KRTAP26-1: variants seen among roughly 807,000 people sequenced by gnomAD.
The protein encoded by KRTAP26-1 is keratin-associated protein 26-1.
For missense variants in KRTAP26-1, 273 were observed against 260.9 expected (o/e 1.05, Z -0.32); for synonymous variants, 111 against 103.3 (o/e 1.07, Z -0.45).
Position 30,320,197 on chromosome 21 carries a change from A to G in KRTAP26-1, c.-162T>C. The G allele has an allele frequency of 1.8e-6, 1 of 570,036 alleles. No homozygotes were observed. Among genetic ancestry groups the G allele is most frequent in the Non-Finnish European group, 3.1e-6 (1 of 324,192 alleles). 35.3% of individuals were successfully genotyped at this position (570,036 alleles called of 1,614,324 possible). ...TGAAGATGCATCAGAACTCTTTATTATAGCCAAGGAAGTGAGGCTTCCACC... is the reference window on the plus strand; with the variant it reads ...TGAAGATGCATCAGAACTCTTTATTGTAGCCAAGGAAGTGAGGCTTCCACC... On this transcript the variant is annotated 5_prime_UTR_variant, in exon 1 of 1. Coordinates refer to ENST00000360542, the MANE Select transcript of KRTAP26-1 (RefSeq NM_203405.2).
At position 30,319,920 on chromosome 21, in the gene KRTAP26-1, A is replaced by G. The variant is rs1438640052; in HGVS notation, c.116T>C (p.Val39Ala). The change falls in exon 1 of 1, where the codon GTC becomes GCC. Residue 39 changes from valine (V) to alanine (A), a missense_variant. Transcript: ENST00000360542. ...TTGAGAGCTAGTGGGTAAGTAGAGGACATCTCCACAGCTCACGCTGGTAGG... is the reference window on the plus strand; with the variant it reads ...TTGAGAGCTAGTGGGTAAGTAGAGGGCATCTCCACAGCTCACGCTGGTAGG... ...LCPTSVSCGD[V>A]LYLPTSSQDH... is the part of the protein sequence containing the mutation. 2 of 1,614,122 alleles carry G rather than the reference A, an allele frequency of 1.2e-6. No homozygotes were observed. The highest frequency in any genetic ancestry group is 1.3e-5 in the African/African-American group (1 of 75,022).
At position 30,319,841 on chromosome 21, in the gene KRTAP26-1, G is replaced by A. The variant is rs1376539721; in HGVS notation, c.195C>T (p.Ser65=). Residue 65 remains serine, a synonymous_variant, in exon 1 of 1, where the codon AGC becomes AGT. Coordinates refer to ENST00000360542, the MANE Select transcript of KRTAP26-1 (RefSeq NM_203405.2). ...CGGTCTCACAGTGGACCGGCTGGCA[G>A]CTGGTTGGTTCACCGCAGGTCTCTT... The part of the protein sequence containing the change: ...NCQETCGEPT[S]CQPVHCETGN... 1 of 1,614,048 alleles carries A rather than the reference G, an allele frequency of 6.2e-7. No individual in the cohort carries two copies. The highest frequency in any genetic ancestry group is 1.7e-4 in the Middle Eastern group (1 of 6,058).
Position 30,319,295 on chromosome 21 carries a change from C to A in KRTAP26-1, c.*108G>T. ...TTGCATTAGATCAGGCACAGTAAAA[C>A]TAAGAAACATCAGTTGCTACTAGCA... On this transcript the variant is annotated 3_prime_UTR_variant, in exon 1 of 1. Coordinates refer to ENST00000360542, the MANE Select transcript of KRTAP26-1 (RefSeq NM_203405.2). 1.7e-6 allele frequency: 2 copies of A among 1,149,002 alleles called. No individual in the cohort carries two copies. Among genetic ancestry groups the A allele is most frequent in the South Asian group, 3.6e-5 (2 of 55,574 alleles). The allele number at this position is 1,149,002 out of a possible 1,614,324, so 71.2% of individuals were successfully genotyped here.
Position 30,319,606 on chromosome 21 carries a change from G to T in KRTAP26-1, c.430C>A (p.Arg144Ser), listed in dbSNP as rs371533379. The change falls in exon 1 of 1, where the codon CGC becomes AGC. Residue 144 changes from arginine (R) to serine (S), a missense_variant. Coordinates refer to ENST00000360542, the MANE Select transcript of KRTAP26-1 (RefSeq NM_203405.2). ...CTCTTGGACAAGCAGAATTGGGGGC[G>T]ATAGGCATTGGGCACACAGTCTCCT... Reference protein sequence around the residue: ...PIGDCVPNAYRPQFCLSKSCQ... With the variant: ...PIGDCVPNAYSPQFCLSKSCQ... 2.5e-6 allele frequency: 4 copies of T among 1,613,716 alleles called. No individual in the cohort carries two copies. The highest frequency in any genetic ancestry group is 2.5e-6 in the Non-Finnish European group (3 of 1,179,928).
rs1434354195 is a variant in KRTAP26-1, at chr21:30,319,727, G to A, written c.309C>T (p.Phe103=). ...QGSSFLPASF[F]SSSCLPVSCR... ...AGGATACTGGAAGGCAGGAACTGGA[G>A]AAGAAAGAAGCAGGAAGAAAACTGC... Residue 103 remains phenylalanine (F), a synonymous_variant, in exon 1 of 1, where the codon TTC becomes TTT. Coordinates refer to ENST00000360542, the MANE Select transcript of KRTAP26-1 (RefSeq NM_203405.2). 1.9e-6 allele frequency: 3 copies of A among 1,613,992 alleles called. No individual in the cohort carries two copies. The highest frequency in any genetic ancestry group is 1.1e-5 in the South Asian group (1 of 91,082).
At position 30,319,951 on chromosome 21, in the gene KRTAP26-1, G is replaced by T; in HGVS notation, c.85C>A (p.Leu29Ile). ...SRHIPLTSIDLCPTSVSCGDV... is the reference protein window; with the variant it reads ...SRHIPLTSIDICPTSVSCGDV... ...CCACAGCTCACGCTGGTAGGGCAGAGGTCGATGGAGGTGAGAGGAATATGG... is the reference window on the plus strand; with the variant it reads ...CCACAGCTCACGCTGGTAGGGCAGATGTCGATGGAGGTGAGAGGAATATGG... Residue 29 changes from leucine (L) to isoleucine (I), a missense_variant, in exon 1 of 1, where the codon CTC (leucine) becomes ATC (isoleucine). Transcript: ENST00000360542. 1 of 1,614,100 alleles carries T rather than the reference G, an allele frequency of 6.2e-7. No individual in the cohort carries two copies. The highest frequency in any genetic ancestry group is 2.2e-5 in the East Asian group (1 of 44,858).
chr21:30,319,937 G>A lies in KRTAP26-1; in HGVS notation c.99C>T (p.Ser33=), dbSNP rs897810268. The A allele has an allele frequency of 1.4e-5, 23 of 1,613,996 alleles. No homozygotes were observed. The highest frequency in any genetic ancestry group is 3.3e-4 in the Middle Eastern group (2 of 6,082). Residue 33 remains serine (S), a synonymous_variant, in exon 1 of 1, where the codon AGC becomes AGT. Transcript: ENST00000360542. ...AGTAGAGGACATCTCCACAGCTCAC[G>A]CTGGTAGGGCAGAGGTCGATGGAGG... ...PLTSIDLCPT[S]VSCGDVLYLP... is the part of the protein sequence containing the mutation.
Position 30,319,287 on chromosome 21 carries a change from C to T in KRTAP26-1, c.*116G>A. ...GAAGCAGCTTGCATTAGATCAGGCA[C>T]AGTAAAACTAAGAAACATCAGTTGC... On this transcript the variant is annotated 3_prime_UTR_variant, in exon 1 of 1. Coordinates refer to ENST00000360542, the MANE Select transcript of KRTAP26-1 (RefSeq NM_203405.2). The T allele has an allele frequency of 1.3e-5, 13 of 1,027,952 alleles. No individual in the cohort carries two copies. The highest frequency in any genetic ancestry group is 1.7e-5 in the Non-Finnish European group (12 of 709,264). 63.7% of individuals were successfully genotyped at this position (1,027,952 alleles called of 1,614,324 possible). A position where few individuals can be genotyped will look rare whatever the true frequency, so the allele number is the denominator to read the frequency against.
rs768343814 is a variant in KRTAP26-1 at position 30,320,046 on chromosome 21, T to C, written c.-11A>G. ...GTTGGGGCAAGACATAGTGAGGTTG[T>C]GAGAGCAGGCTGAAGTTGAGGCAAA... On this transcript the variant is annotated 5_prime_UTR_variant, in exon 1 of 1. Transcript: ENST00000360542. 4 of 1,563,986 alleles carry C rather than the reference T, an allele frequency of 2.6e-6. No individual in the cohort carries two copies. The South Asian group carries it at 3.6e-5, about 14-fold the overall frequency.
In KRTAP26-1 at chr21:30,319,656, G is replaced by A. The variant is rs1041310441; in HGVS notation, c.380C>T (p.Pro127Leu). The change falls in exon 1 of 1, where the codon CCG becomes CTG. Residue 127 changes from proline to leucine, a missense_variant. By Grantham distance (98) the Pro-to-Leu change is moderately conservative (BLOSUM62 -3). Coordinates refer to ENST00000360542, the MANE Select transcript of KRTAP26-1 (RefSeq NM_203405.2). ...TATGGGCTGGTAACTATTGAGCAGC[G>A]GCCTCAGTGGACGACAGCCGCTGGA... is the stretch of plus-strand genomic sequence containing the variant. ...YVSSGCRPLR[P>L]LLNSYQPIGD... is the part of the protein sequence containing the mutation. The A allele has an allele frequency of 5.6e-6, 9 of 1,613,776 alleles. No individual in the cohort carries two copies. The highest frequency in any genetic ancestry group is 5.0e-5 in the Admixed American group (3 of 59,982).
At position 30,319,538 on chromosome 21, in the gene KRTAP26-1, C is replaced by G; in HGVS notation, c.498G>C (p.Ser166=). The part of the protein sequence containing the change: ...QNLLTSGCQP[S]SCLAYRPQSL... ...TTTGAGGACGATAGGCCAAGCAACTCGAGGGTTGGCATCCAGAAGTGAGGA... is the reference window on the plus strand; with the variant it reads ...TTTGAGGACGATAGGCCAAGCAACTGGAGGGTTGGCATCCAGAAGTGAGGA... The change falls in exon 1 of 1, where the codon TCG becomes TCC. Residue 166 remains serine, a synonymous_variant. Transcript: ENST00000360542. 2.5e-6 allele frequency: 4 copies of G among 1,613,840 alleles called. No individual in the cohort carries two copies. The highest frequency in any genetic ancestry group is 2.5e-6 in the Non-Finnish European group (3 of 1,179,962).
rs1239919618 is a variant in KRTAP26-1, at chr21:30,319,893, T to A, written c.143A>T (p.Asp48Val). 1 of 1,614,114 alleles carries A rather than the reference T, an allele frequency of 6.2e-7. No homozygotes were observed. Among genetic ancestry groups the A allele is most frequent in the Admixed American group, 1.7e-5 (1 of 60,020 alleles). Residue 48 changes from aspartate to valine, a missense_variant, in exon 1 of 1, where the codon GAC (aspartate) becomes GTC (valine). Coordinates refer to ENST00000360542, the MANE Select transcript of KRTAP26-1 (RefSeq NM_203405.2). The part of the protein sequence containing the change: ...DVLYLPTSSQ[D>V]HTWVTDNCQE... ...GCAGTTGTCTGTGACCCAGGTATGG[T>A]CTTGAGAGCTAGTGGGTAAGTAGAG... is the stretch of plus-strand genomic sequence containing the variant.
At position 30,319,320 on chromosome 21, in the gene KRTAP26-1, A is replaced by G; in HGVS notation, c.*83T>C. 7.2e-7 allele frequency: 1 copy of G among 1,387,338 alleles called. No individual in the cohort carries two copies. The highest frequency in any genetic ancestry group is 1.6e-5 in the South Asian group (1 of 61,912). The allele number at this position is 1,387,338 out of a possible 1,614,324, so 85.9% of individuals were successfully genotyped here. ...CTAAGAAACATCAGTTGCTACTAGC[A>G]AAGAAGCAAAAGTCCATGGAGTTTG... is the stretch of plus-strand genomic sequence containing the variant. On this transcript the variant is annotated 3_prime_UTR_variant, in exon 1 of 1. Transcript: ENST00000360542.
At position 30,319,555 on chromosome 21, in the gene KRTAP26-1, A is replaced by G. The variant is rs376926796; in HGVS notation, c.481T>C (p.Ser161Pro). Residue 161 changes from serine to proline, a missense_variant, in exon 1 of 1, where the codon TCT (serine) becomes CCT (proline). By Grantham distance (74) the Ser-to-Pro change is moderately conservative. Transcript: ENST00000360542. ...KSCQPQNLLT[S>P]GCQPSSCLAY... ...AAGCAACTCGAGGGTTGGCATCCAG[A>G]AGTGAGGAGGTTTTGGGGCTGGCAA... The G allele has an allele frequency of 2.1e-5, 34 of 1,613,734 alleles. No individual in the cohort carries two copies. Among genetic ancestry groups the G allele is most frequent in the Non-Finnish European group, 2.9e-5 (34 of 1,179,956 alleles).
Position 30,319,381 on chromosome 21 carries a change from T to C in KRTAP26-1, c.*22A>G, listed in dbSNP as rs769816508. 1 of 1,537,702 alleles carries C rather than the reference T, an allele frequency of 6.5e-7. No individual in the cohort carries two copies. The highest frequency in any genetic ancestry group is 8.8e-7 in the Non-Finnish European group (1 of 1,140,440). ...GTGGATGCTCAGAGTGATTATTCAC[T>C]GGAACAAAGAAGCTGCTGGTTTCAC... is the stretch of plus-strand genomic sequence containing the variant. On this transcript the variant is annotated 3_prime_UTR_variant, in exon 1 of 1. Coordinates refer to ENST00000360542, the MANE Select transcript of KRTAP26-1 (RefSeq NM_203405.2).
chr21:30,319,602 G>T lies in KRTAP26-1; in HGVS notation c.434C>A (p.Pro145His). 1 of 1,613,828 alleles carries T rather than the reference G, an allele frequency of 6.2e-7. No individual in the cohort carries two copies. The highest frequency in any genetic ancestry group is 8.5e-7 in the Non-Finnish European group (1 of 1,179,950). Residue 145 changes from proline (P) to histidine (H), a missense_variant, in exon 1 of 1, where the codon CCC (proline) becomes CAC (histidine). Transcript: ENST00000360542. ...IGDCVPNAYR[P>H]QFCLSKSCQP... is the part of the protein sequence containing the mutation. ...GCAACTCTTGGACAAGCAGAATTGG[G>T]GGCGATAGGCATTGGGCACACAGTC...
In KRTAP26-1 at chr21:30,320,198, T is replaced by C. The variant is rs1981658505; in HGVS notation, c.-163A>G. 3.5e-6 allele frequency: 2 copies of C among 568,188 alleles called. No individual in the cohort carries two copies. Among genetic ancestry groups the C allele is most frequent in the Non-Finnish European group, 6.2e-6 (2 of 323,082 alleles). 35.2% of individuals were successfully genotyped at this position (568,188 alleles called of 1,614,324 possible). On this transcript the variant is annotated 5_prime_UTR_variant, in exon 1 of 1. Coordinates refer to ENST00000360542, the MANE Select transcript of KRTAP26-1 (RefSeq NM_203405.2). ...GAAGATGCATCAGAACTCTTTATTA[T>C]AGCCAAGGAAGTGAGGCTTCCACCC...
In KRTAP26-1 at chr21:30,319,763, A is replaced by G; in HGVS notation, c.273T>C (p.Pro91=). 1 of 1,614,020 alleles carries G rather than the reference A, an allele frequency of 6.2e-7. No individual in the cohort carries two copies. The highest frequency in any genetic ancestry group is 8.5e-7 in the Non-Finnish European group (1 of 1,179,962). The part of the protein sequence containing the change: ...GSSTAYYVPR[P]CQGSSFLPAS... Reference sequence around the variant, plus strand: ...CAGGAAGAAAACTGCTTCCTTGGCAAGGCCTGGGCACGTAGTAAGCAGTGG... The same window carrying G: ...CAGGAAGAAAACTGCTTCCTTGGCAGGGCCTGGGCACGTAGTAAGCAGTGG... The change falls in exon 1 of 1, where the codon CCT becomes CCC. Residue 91 remains proline (P), a synonymous_variant. Coordinates refer to ENST00000360542, the MANE Select transcript of KRTAP26-1 (RefSeq NM_203405.2).
chr21:30,319,374 T>C lies in KRTAP26-1; in HGVS notation c.*29A>G, dbSNP rs1981616864. On this transcript the variant is annotated 3_prime_UTR_variant, in exon 1 of 1. Coordinates refer to ENST00000360542, the MANE Select transcript of KRTAP26-1 (RefSeq NM_203405.2). ...TTTTGTTGTGGATGCTCAGAGTGATTATTCACTGGAACAAAGAAGCTGCTG... is the reference window on the plus strand; with the variant it reads ...TTTTGTTGTGGATGCTCAGAGTGATCATTCACTGGAACAAAGAAGCTGCTG... 1 of 1,530,142 alleles carries C rather than the reference T, an allele frequency of 6.5e-7. No individual in the cohort carries two copies. The highest frequency in any genetic ancestry group is 2.1e-5 in the Admixed American group (1 of 47,644). The allele number at this position is 1,530,142 out of a possible 1,614,324, so 94.8% of individuals were successfully genotyped here.
Sources: allele counts gnomAD v4.1 joint callset, GRCh38; gene constraint gnomAD v4.1.1; transcripts MANE v1.5; gene names NCBI Gene and HGNC (gene_info 2026-07-23, HGNC 2026-07-21).